The following CLCN3 variants were observed in gnomAD, a reference collection of about 807,000 sequenced individuals.
CLCN3 encodes Cl-/H+ antiporter 3, also known as H(+)/Cl(-) exchange transporter 3.
Under a neutral mutation model 83.4 loss-of-function variants are expected in CLCN3, and 16 were observed. The ratio of observed to expected loss-of-function variants is 0.19; its 90% CI spans 0.13 to 0.29. The LOEUF is 0.29. Ranked by LOEUF, CLCN3 falls within the 10% of genes least tolerant of loss-of-function variation. The probability of loss-of-function intolerance (pLI) is 1.00; values close to 1 mark genes in which losing one functional copy is unlikely to be tolerated. For missense variants in CLCN3, 544 were observed against 1,006.0 expected, an observed-to-expected ratio of 0.54 and a Z score of 6.21; for synonymous variants, 322 against 346.2, an observed-to-expected ratio of 0.93 and a Z score of 0.78.
chr4:169,645,892 TCTTA>T (rs1454314512), intron 2 of CLCN3, among the ~76,000 whole-genome samples: 11 of 152,208 alleles, frequency 7.2e-5, no homozygotes, highest in Admixed American at 2.0e-4. Flanking sequence ...TCTGTATTTG[TCTTA>T]CTTGTTTATA....
intron 9 of CLCN3, among the ~76,000 whole-genome samples, chr4:169,700,069 TTTG>T (rs1732720563): frequency 6.6e-6 from 1 of 152,166 alleles, no homozygotes; most frequent in South Asian, 2.1e-4. Context: ...TTGGCAGGCC[TTTG>T]TTAAGTCCCA....
At chr4:169,634,274 T>G (rs774928086) in intron 1 of CLCN3, among the ~76,000 whole-genome samples, 3 of 152,202 alleles carry the variant, frequency 2.0e-5, no homozygotes, top group Non-Finnish European at 4.4e-5. Flanking sequence ...CTAGCTAATG[T>G]TCACTGAAAT....
At position 169,713,308 on chromosome 4, in the gene CLCN3, C is replaced by T; in HGVS notation, c.2366+13C>T. 1 of 1,576,234 alleles carries T rather than the reference C, an allele frequency of 6.3e-7. No individual in the cohort carries two copies. The highest frequency in any genetic ancestry group is 1.7e-5 in the Admixed American group (1 of 59,946). On this transcript the variant is annotated intron_variant, in intron 12 of 12. Coordinates refer to ENST00000513761, the MANE Select transcript of CLCN3 (RefSeq NM_001829.4). ...TAACTCACAATGGGTAAGTCTGGTA[C>T]CACAGGAATCAGTTCACTTGCTAGA...
At position 169,707,280 on chromosome 4, in the gene CLCN3, A is replaced by AATATATAC; in HGVS notation, c.2149+21_2149+22insCATATATA. 6.4e-7 allele frequency: 1 copy of AATATATAC among 1,558,630 alleles called. No individual in the cohort carries two copies. Among genetic ancestry groups the AATATATAC allele is most frequent in the Non-Finnish European group, 8.7e-7 (1 of 1,150,864 alleles). On this transcript the variant is annotated intron_variant, in intron 11 of 12. Transcript: ENST00000513761. ...CAATTGCAATAGGTACCCTTTCAAA[A>AATATATAC]ATATATATATGTATATATGAGATGG...
chr4:169,711,437 C>CA (rs1426941689), intron 11 of CLCN3, among the ~76,000 whole-genome samples: 3 of 152,314 alleles, frequency 2.0e-5, no homozygotes, highest in Middle Eastern at 3.4e-3. Context: ...GGCCTCAGCT[C>CA]ACTGCAACCT....
At chr4:169,717,420 C>A (rs1466869754) in intron 12 of CLCN3, among the ~76,000 whole-genome samples, 1 of 152,078 alleles carries the variant, frequency 6.6e-6, no homozygotes, top group Non-Finnish European at 1.5e-5. Context: ...AAAATATTTT[C>A]CTCTGAGGAA....
At chr4:169,663,629 T>G (rs1014660893) in intron 2 of CLCN3, 1 of 430,876 alleles carries the variant, frequency 2.3e-6, no homozygotes, top group African/African-American at 2.1e-5. Flanking sequence ...TGCGAGCCAC[T>G]GTGCCTGGCT....
chr4:169,679,960 G>A, intron 2 of CLCN3, 90 bp from the exon 3 acceptor site: 1 of 1,022,156 alleles, frequency 9.8e-7, no homozygotes, highest in Non-Finnish European at 1.5e-6. Context: ...GATTATTTCT[G>A]TATGACTTAA....
intron 2 of CLCN3, among the ~76,000 whole-genome samples, chr4:169,672,746 C>T (rs928733100): frequency 6.6e-6 from 1 of 152,128 alleles, no homozygotes; most frequent in Non-Finnish European, 1.5e-5. Flanking sequence ...TCACTGCAAC[C>T]TTCGCCTCCT....
At chr4:169,691,011 T>G (rs1240199406) in intron 6 of CLCN3, among the ~76,000 whole-genome samples, 1 of 152,018 alleles carries the variant, frequency 6.6e-6, no homozygotes, top group Non-Finnish European at 1.5e-5. Flanking sequence ...TGAATTTTTT[T>G]TTTTTGAGAC....
At chr4:169,714,547 T>C (rs1280395797) in intron 12 of CLCN3, among the ~76,000 whole-genome samples, 12 of 152,142 alleles carry the variant, frequency 7.9e-5, no homozygotes, top group Non-Finnish European at 1.8e-4. Context: ...GGAATCAGAC[T>C]GTCTTTCCTA....
At chr4:169,690,481 G>A (rs757137128) in intron 5 of CLCN3, 49 bp from the exon 6 acceptor site, 1 of 1,575,386 alleles carries the variant, frequency 6.3e-7, no homozygotes, top group Non-Finnish European at 8.6e-7. Context: ...ATTTGCATTA[G>A]AGGTGCAATG....
intron 2 of CLCN3, among the ~76,000 whole-genome samples, chr4:169,671,373 C>T (rs998215360): frequency 1.3e-5 from 2 of 152,108 alleles, no homozygotes; most frequent in Non-Finnish European, 2.9e-5. Context: ...TGCATGTTCT[C>T]ACTTATAAGT....
At chr4:169,648,541 A>G (rs942944214) in intron 2 of CLCN3, among the ~76,000 whole-genome samples, 3 of 152,176 alleles carry the variant, frequency 2.0e-5, no homozygotes, top group Non-Finnish European at 4.4e-5. Context: ...ACTTAATTCT[A>G]TGTGTATTTC....
chr4:169,705,351 A>T (rs2150265192), intron 10 of CLCN3, among the ~76,000 whole-genome samples: 1 of 152,336 alleles, frequency 6.6e-6, no homozygotes, highest in South Asian at 2.1e-4. Flanking sequence ...GGAACAGATT[A>T]TGAAAAGACA....
chr4:169,717,928 G>A, intron 12 of CLCN3: 1 of 1,124,132 alleles, frequency 8.9e-7, no homozygotes, highest in African/African-American at 1.5e-5. Flanking sequence ...CATGAAACTT[G>A]TGAACTGTTG....
intron 2 of CLCN3, among the ~76,000 whole-genome samples, chr4:169,653,803 G>A (rs558892593): frequency 6.6e-6 from 1 of 152,256 alleles, no homozygotes; most frequent in East Asian, 1.9e-4. Context: ...GAGGCAGCAT[G>A]AGAGAGATGC....
At chr4:169,697,103 G>A (rs1732593025) in intron 8 of CLCN3, 86 bp from the exon 9 acceptor site, 5 of 959,192 alleles carry the variant, frequency 5.2e-6, no homozygotes, top group African/African-American at 3.3e-5. Flanking sequence ...TTTAGAGCTA[G>A]GATATTTACC....
chr4:169,635,386 C>T (rs1416462759), intron 1 of CLCN3, among the ~76,000 whole-genome samples: 1 of 152,006 alleles, frequency 6.6e-6, no homozygotes, highest in Non-Finnish European at 1.5e-5. Context: ...TGCCTGTTAC[C>T]ATTTTATCAG....
Sources: gnomAD v4.1 joint callset for allele counts (sites outside exome capture counted in the v4.1 genomes callset) on GRCh38, gnomAD v4.1.1 for gene constraint, MANE v1.5 for transcripts, NCBI Gene and HGNC (gene_info 2026-07-23, HGNC 2026-07-21) for gene names.